The following ROBO1 variants were observed in gnomAD, a reference collection of about 807,000 sequenced individuals.
The protein encoded by ROBO1 is roundabout homolog 1.
Under a neutral mutation model 195.9 loss-of-function variants are expected in ROBO1, and 149 were observed. The ratio of observed to expected loss-of-function variants is 0.76; its 90% CI spans 0.67 to 0.87. The LOEUF (loss-of-function observed/expected upper bound fraction) is 0.87, where lower values mean the gene tolerates loss of function less well. ROBO1 is among the 40% of genes least tolerant of loss of function. The pLI is 0.00. For missense variants in ROBO1, 1,933 were observed against 2,068.3 expected, an observed-to-expected ratio of 0.93 and a Z score of 1.27; for synonymous variants, 816 against 733.2, an observed-to-expected ratio of 1.11 and a Z score of -1.82.
chr3:78,655,589 G>T (rs574637598), intron 18 of ROBO1, among the ~76,000 whole-genome samples: 2 of 152,270 alleles, frequency 1.3e-5, no homozygotes, highest in South Asian at 4.1e-4. Flanking sequence ...TTCTGCAAGT[G>T]TATCTATTAC....
At chr3:78,709,414 A>G (rs2081628619) in intron 8 of ROBO1, among the ~76,000 whole-genome samples, 1 of 152,172 alleles carries the variant, frequency 6.6e-6, no homozygotes, top group African/African-American at 2.4e-5. Context: ...TTGCCTAAAT[A>G]TTTACAGAGC....
chr3:79,083,675 T>C (rs890787707), intron 3 of ROBO1, among the ~76,000 whole-genome samples: 1 of 152,216 alleles, frequency 6.6e-6, no homozygotes, highest in Non-Finnish European at 1.5e-5. Context: ...TTGAATTTCT[T>C]CTACGTTGGC....
intron 1 of ROBO1, among the ~76,000 whole-genome samples, chr3:79,719,306 C>G (rs776564287): frequency 6.6e-6 from 1 of 152,092 alleles, no homozygotes; most frequent in Non-Finnish European, 1.5e-5. Context: ...TTTTAATGAA[C>G]TGTCTAGTTT....
At position 79,215,407 on chromosome 3, in the gene ROBO1, A is replaced by T. The variant is rs546910642; in HGVS notation, c.89-89868T>A. On this transcript the variant is annotated intron_variant, in intron 2 of 30. Transcript: ENST00000464233. ...CCCCACAGGCAAGCAGACAGCATAAACTAATCGGAGGAAGGAGTTTGTGAT... is the reference window on the plus strand; with the variant it reads ...CCCCACAGGCAAGCAGACAGCATAATCTAATCGGAGGAAGGAGTTTGTGAT... Among the ~76,000 whole-genome samples the T allele has an allele frequency of 2.0e-5, 3 of 152,238 alleles. No individual in the cohort carries two copies. In the South Asian group the frequency reaches 6.2e-4, roughly 32 times the overall value.
Position 79,677,916 on chromosome 3 carries a change from A to T in ROBO1, c.-50-87955T>A, listed in dbSNP as rs565783022. 2.0e-5 allele frequency among the ~76,000 whole-genome samples: 3 copies of T among 152,274 alleles called. No homozygotes were observed. The South Asian group carries it at 6.2e-4, about 32-fold the overall frequency. The stretch of plus-strand genomic sequence containing the variant: ...GCCATAGTGAATGCCTGAGCCACAG[A>T]AACATTCACATAATAAATACATGCT... On this transcript the variant is annotated intron_variant, in intron 1 of 30. Transcript: ENST00000464233.
At chr3:79,188,113 G>A (rs2081473712) in intron 2 of ROBO1, among the ~76,000 whole-genome samples, 1 of 151,978 alleles carries the variant, frequency 6.6e-6, no homozygotes, top group Non-Finnish European at 1.5e-5. Flanking sequence ...CTGCTGCTCT[G>A]TAACAGGTGT....
chr3:79,711,251 T>C (rs1442010901), intron 1 of ROBO1, among the ~76,000 whole-genome samples: 2 of 152,128 alleles, frequency 1.3e-5, no homozygotes, highest in African/African-American at 4.8e-5. Flanking sequence ...TCAGTTTCCT[T>C]GTGCATAATA....
chr3:79,515,419 G>A (rs560771184), intron 2 of ROBO1, among the ~76,000 whole-genome samples: 2 of 152,284 alleles, frequency 1.3e-5, no homozygotes, highest in African/African-American at 4.8e-5. Context: ...GCATGTGAAA[G>A]GAGCTCTGCT....
At chr3:79,490,461 C>G (rs1378958028) in intron 2 of ROBO1, among the ~76,000 whole-genome samples, 2 of 152,174 alleles carry the variant, frequency 1.3e-5, no homozygotes, top group Non-Finnish European at 2.9e-5. Flanking sequence ...TGACCAGTCT[C>G]TGCCCAATAA....
chr3:79,279,257 G>A (rs1324792128), intron 2 of ROBO1, among the ~76,000 whole-genome samples: 3 of 151,902 alleles, frequency 2.0e-5, no homozygotes, highest in Non-Finnish European at 4.4e-5. Context: ...CAAGAGCAAT[G>A]CTCTGTCTAA....
intron 2 of ROBO1, among the ~76,000 whole-genome samples, chr3:79,505,850 GAATT>G (rs951612028): frequency 6.6e-6 from 1 of 152,176 alleles, no homozygotes; most frequent in African/African-American, 2.4e-5. Flanking sequence ...CTTCAGGGAA[GAATT>G]AATAGGTGAG....
At chr3:79,457,396 CGTGT>C (rs139242982) in intron 2 of ROBO1, among the ~76,000 whole-genome samples, 7 of 148,892 alleles carry the variant, frequency 4.7e-5, no homozygotes, top group Admixed American at 6.7e-5. Context: ...TGTGTGTGTG[CGTGT>C]GTGTGTGTGT....
At chr3:79,620,373 C>T (rs558443672) in intron 1 of ROBO1, among the ~76,000 whole-genome samples, 2 of 152,222 alleles carry the variant, frequency 1.3e-5, no homozygotes, top group East Asian at 1.9e-4. Flanking sequence ...TAAATCCGTA[C>T]CCTTCTTAAT....
chr3:79,284,351 T>C (rs2031746032), intron 2 of ROBO1, among the ~76,000 whole-genome samples: 1 of 152,080 alleles, frequency 6.6e-6, no homozygotes, highest in South Asian at 2.1e-4. Context: ...TCAGAAAACA[T>C]AGGTTAATTA....
intron 2 of ROBO1, among the ~76,000 whole-genome samples, chr3:79,408,451 G>T (rs1476617725): frequency 6.6e-6 from 1 of 151,812 alleles, no homozygotes; most frequent in Non-Finnish European, 1.5e-5. Flanking sequence ...TAACAAAATA[G>T]ACATATTTCT....
chr3:78,966,622 AT>A (rs1470632109), intron 3 of ROBO1, among the ~76,000 whole-genome samples: 3 of 152,232 alleles, frequency 2.0e-5, no homozygotes, highest in Admixed American at 2.0e-4. Flanking sequence ...GGAAATAGGT[AT>A]TTGTACTGCT....
chr3:79,338,122 A>C (rs2034753230), intron 2 of ROBO1, among the ~76,000 whole-genome samples: 1 of 152,154 alleles, frequency 6.6e-6, no homozygotes, highest in African/African-American at 2.4e-5. Context: ...TCCTAATTGT[A>C]TTTAATTTAA....
intron 3 of ROBO1, among the ~76,000 whole-genome samples, chr3:78,989,372 G>A (rs537278293): frequency 4.6e-5 from 7 of 152,262 alleles, no homozygotes; most frequent in African/African-American, 1.4e-4. Context: ...CTAGCACTTC[G>A]GGAGGCCAAA....
intron 2 of ROBO1, among the ~76,000 whole-genome samples, chr3:79,516,188 G>A (rs977291409): frequency 6.6e-6 from 1 of 152,008 alleles, no homozygotes; most frequent in Non-Finnish European, 1.5e-5. Flanking sequence ...TGATAATGTG[G>A]TTTACTGTTA....
Sources: gnomAD v4.1 joint callset for allele counts (sites outside exome capture counted in the v4.1 genomes callset) on GRCh38, gnomAD v4.1.1 for gene constraint, MANE v1.5 for transcripts, NCBI Gene and HGNC (gene_info 2026-07-23, HGNC 2026-07-21) for gene names.